Variants in KAZN observed in about 807,000 individuals in gnomAD.
The protein encoded by KAZN is kazrin.
Under a neutral mutation model 87.4 loss-of-function variants are expected in KAZN, and 40 were observed. The observed-to-expected ratio is 0.46, with a 90% confidence interval of 0.36 to 0.60. The LOEUF (loss-of-function observed/expected upper bound fraction) is 0.60. Ranked by LOEUF, KAZN falls within the 20% of genes least tolerant of loss-of-function variation. The pLI is 0.00. For missense variants in KAZN, 898 were observed against 1,073.9 expected (o/e 0.84, Z 2.29); for synonymous variants, 466 against 458.3 (o/e 1.02, Z -0.22).
At chr1:14,418,968 C>T (rs12131551) in intron 2 of KAZN, among the ~76,000 whole-genome samples, 3 of 152,170 alleles carry the variant, frequency 2.0e-5, no homozygotes, top group Non-Finnish European at 4.4e-5. Flanking sequence ...CCTGTGAACT[C>T]TTGTCTGAAA....
intron 2 of KAZN, among the ~76,000 whole-genome samples, chr1:14,241,478 C>T (rs1229976793): frequency 6.6e-6 from 1 of 152,216 alleles, no homozygotes; most frequent in Non-Finnish European, 1.5e-5. Context: ...GGAGACAAAT[C>T]TTAAATGCAC....
intron 2 of KAZN, among the ~76,000 whole-genome samples, chr1:14,227,481 G>C (rs955138705): frequency 6.6e-6 from 1 of 152,182 alleles, no homozygotes; most frequent in African/African-American, 2.4e-5. Context: ...AGGACTCACT[G>C]TAGGTGGCCC....
chr1:14,167,627 G>C (rs918871544), intron 1 of KAZN, among the ~76,000 whole-genome samples: 2 of 152,168 alleles, frequency 1.3e-5, no homozygotes, highest in African/African-American at 4.8e-5. Flanking sequence ...AGAGGCTGAG[G>C]CAGGAGAGTT....
At chr1:14,448,122 C>T (rs368048949) in intron 2 of KAZN, among the ~76,000 whole-genome samples, 4 of 152,206 alleles carry the variant, frequency 2.6e-5, no homozygotes, top group Admixed American at 2.0e-4. Flanking sequence ...AGCAGCCATG[C>T]GCTGAGACCT....
intron 2 of KAZN, among the ~76,000 whole-genome samples, chr1:14,241,997 T>C (rs1466944721): frequency 6.6e-6 from 1 of 152,154 alleles, no homozygotes; most frequent in Non-Finnish European, 1.5e-5. Context: ...ATGGGAGATT[T>C]TTGCACAAAG....
rs144953155 is a variant in KAZN at position 14,661,172 on chromosome 1, A to G, written c.226+61949A>G. On this transcript the variant is annotated intron_variant, in intron 1 of 14. Transcript: ENST00000376030. ...GTAGATAGGAGAACTGAGGCTGGAG[A>G]AGCTGAGCAATTCTTGGGCCAACAG... is the stretch of plus-strand genomic sequence containing the variant. Among the ~76,000 whole-genome samples the G allele has an allele frequency of 3.1e-3, 475 of 152,286 alleles. 3 individuals carry two copies. The highest frequency in any genetic ancestry group is 0.011 in the African/African-American group (457 of 41,556).
intron 2 of KAZN, among the ~76,000 whole-genome samples, chr1:14,334,057 C>T (rs1377224913): frequency 6.6e-6 from 1 of 151,672 alleles, no homozygotes; most frequent in Non-Finnish European, 1.5e-5. Flanking sequence ...TTCACTTTCC[C>T]CCTACAGGAA....
intron 3 of KAZN, among the ~76,000 whole-genome samples, chr1:15,036,259 G>GCTCC (rs1672266672): frequency 8.4e-5 from 1 of 11,902 alleles, no homozygotes. Flanking sequence ...GCTCGCCCCA[G>GCTCC]CCCTCCCCTG....
intron 2 of KAZN, among the ~76,000 whole-genome samples, chr1:14,183,557 G>A (rs1188874311): frequency 6.6e-6 from 1 of 152,050 alleles, no homozygotes; most frequent in Non-Finnish European, 1.5e-5. Flanking sequence ...CCAAAATGCC[G>A]ACTCAGCCTC....
intron 1 of KAZN, among the ~76,000 whole-genome samples, chr1:14,724,051 G>A (rs921378493): frequency 1.6e-4 from 24 of 152,224 alleles, no homozygotes; most frequent in African/African-American, 5.1e-4. Flanking sequence ...AAAGGAGTAC[G>A]TTTCATTTTT....
At chr1:15,001,144 A>G (rs1249052896) in intron 2 of KAZN, among the ~76,000 whole-genome samples, 3 of 151,714 alleles carry the variant, frequency 2.0e-5, no homozygotes, top group Admixed American at 1.3e-4. Context: ...AACCCAGCAA[A>G]GGTGGTGGTG....
At chr1:15,027,929 T>C (rs150421846) in intron 2 of KAZN, among the ~76,000 whole-genome samples, 36 of 152,362 alleles carry the variant, frequency 2.4e-4, no homozygotes, top group African/African-American at 7.7e-4. Context: ...GAAAGGTCTG[T>C]GGTGGGAGCT....
chr1:14,797,129 C>T lies in KAZN; in HGVS notation c.227-163555C>T, dbSNP rs186747955. Among the ~76,000 whole-genome samples the T allele has an allele frequency of 3.3e-3, 502 of 152,184 alleles. 4 individuals carry two copies. Among genetic ancestry groups the T allele is most frequent in the Non-Finnish European group, 2.1e-3 (145 of 68,014 alleles). The stretch of plus-strand genomic sequence containing the variant: ...AGGTTGGAGTGCAGTGGCATGATCT[C>T]GGCTCACTGCAGCCTCCGCCTCCTG... On this transcript the variant is annotated intron_variant, in intron 1 of 14. Transcript: ENST00000376030.
intron 2 of KAZN, among the ~76,000 whole-genome samples, chr1:14,318,478 A>AT (rs1022553107): frequency 8.6e-5 from 13 of 151,502 alleles, no homozygotes; most frequent in Non-Finnish European, 8.8e-5. Context: ...TGCTTTTAAG[A>AT]TTTTTCCCTT....
chr1:14,381,738 G>A (rs927112282), intron 2 of KAZN, among the ~76,000 whole-genome samples: 2 of 152,002 alleles, frequency 1.3e-5, no homozygotes. Context: ...GGGAAAAAAC[G>A]GAAAGCCTTT....
intron 2 of KAZN, among the ~76,000 whole-genome samples, chr1:14,414,618 GTGTGTGTGTGTA>G (rs1008693907): frequency 1.3e-5 from 2 of 152,042 alleles, no homozygotes; most frequent in African/African-American, 4.8e-5. Flanking sequence ...CATACCGTGT[GTGTGTGTGTGTA>G]TGTGTGTGTG....
In KAZN at chr1:14,687,048, G is replaced by C. The variant is rs185142501; in HGVS notation, c.226+87825G>C. On this transcript the variant is annotated intron_variant, in intron 1 of 14. Transcript: ENST00000376030. ...CCTGGAGACCTGTCAGGACACTAAT[G>C]TGGGGGTGGCTGGTGTGCTGCACTT... 5.1e-3 allele frequency among the ~76,000 whole-genome samples: 780 copies of C among 152,318 alleles called. 8 individuals carry two copies. Among genetic ancestry groups the C allele is most frequent in the African/African-American group, 0.017 (708 of 41,576 alleles).
At chr1:14,933,949 G>A (rs549402516) in intron 1 of KAZN, among the ~76,000 whole-genome samples, 35 of 149,372 alleles carry the variant, frequency 2.3e-4, no homozygotes, top group African/African-American at 7.4e-4. Context: ...CCGGGTTCAC[G>A]CCATTCTCCT....
chr1:14,711,737 A>G (rs1642497909), intron 1 of KAZN, among the ~76,000 whole-genome samples: 1 of 152,202 alleles, frequency 6.6e-6, no homozygotes, highest in African/African-American at 2.4e-5. Flanking sequence ...CCTTCAGGTC[A>G]GTGAGCTTGG....
Sources: gnomAD v4.1 joint callset for allele counts (sites outside exome capture counted in the v4.1 genomes callset) on GRCh38, gnomAD v4.1.1 for gene constraint, MANE v1.5 for transcripts, NCBI Gene and HGNC (gene_info 2026-07-23, HGNC 2026-07-21) for gene names.